LRRFIP2: variants seen among roughly 807,000 people sequenced by gnomAD.
LRRFIP2 encodes the protein leucine-rich repeat flightless-interacting protein 2.
In LRRFIP2, 109 loss-of-function variants were observed where a neutral mutation model predicts 125.9. The observed-to-expected ratio is 0.87, with a 90% CI of 0.74 to 1.01. The LOEUF (loss-of-function observed/expected upper bound fraction) is 1.01, where lower values mean the gene tolerates loss of function less well. Among genes scored for constraint, LRRFIP2 ranks in the 50% least tolerant of loss-of-function variants. The pLI is 0.00. For missense variants in LRRFIP2, 850 were observed against 862.3 expected (o/e 0.99, Z 0.18); for synonymous variants, 291 against 293.1 (o/e 0.99, Z 0.07).
chr3:37,161,179 T>TTAAAAA, intron 1 of LRRFIP2, among the ~76,000 whole-genome samples: 1 of 88,120 alleles, frequency 1.1e-5, no homozygotes, highest in Non-Finnish European at 2.2e-5. Flanking sequence ...CCCCATCTAC[T>TTAAAAA]AAAAAAAAAA....
intron 2 of LRRFIP2, among the ~76,000 whole-genome samples, chr3:37,137,534 T>C (rs2095587518): frequency 6.6e-6 from 1 of 152,328 alleles, no homozygotes; most frequent in Non-Finnish European, 1.5e-5. Context: ...CTCTTTTCTA[T>C]GAAATAATAC....
At chr3:37,113,812 C>T (rs978370685) in intron 7 of LRRFIP2, among the ~76,000 whole-genome samples, 1 of 152,168 alleles carries the variant, frequency 6.6e-6, no homozygotes, top group African/African-American at 2.4e-5. Flanking sequence ...GATTGCCCAG[C>T]ATACCATAAA....
At chr3:37,083,183 T>C (rs1190127734) in intron 19 of LRRFIP2, among the ~76,000 whole-genome samples, 1 of 152,172 alleles carries the variant, frequency 6.6e-6, no homozygotes, top group Non-Finnish European at 1.5e-5. Context: ...ATCTCCAAAT[T>C]GCTGATTTTA....
rs1576615897 is a variant in LRRFIP2, at chr3:37,102,978, A to G, written c.819T>C (p.Arg273=). The change falls in exon 15 of 28, where the codon CGT becomes CGC. Residue 273 remains arginine, a synonymous_variant. Coordinates refer to ENST00000336686, the MANE Select transcript of LRRFIP2 (RefSeq NM_006309.4). ...SAADYFSRSN[R]RGSVVSEVDD... ...CCACCTCAGAGACAACACTTCCCCTACGATTGGAGCGACTGAAATAATCAG... is the reference window on the plus strand; with the variant it reads ...CCACCTCAGAGACAACACTTCCCCTGCGATTGGAGCGACTGAAATAATCAG... 1.3e-6 allele frequency: 2 copies of G among 1,566,802 alleles called. No homozygotes were observed. The highest frequency in any genetic ancestry group is 2.7e-5 in the African/African-American group (2 of 74,174).
intron 7 of LRRFIP2, among the ~76,000 whole-genome samples, chr3:37,113,306 CTTTT>C (rs559960204): frequency 7.2e-5 from 11 of 151,944 alleles, no homozygotes; most frequent in Admixed American, 6.6e-4. Flanking sequence ...CCTCTGACTT[CTTTT>C]TTTTCTTTTT....
rs10849 is a variant in LRRFIP2, at chr3:37,053,579, C to G, written c.*272G>C. 15 of 352,480 alleles carry G rather than the reference C, an allele frequency of 4.3e-5. No individual in the cohort carries two copies. The highest frequency in any genetic ancestry group is 3.2e-4 in the African/African-American group (15 of 47,034). 21.8% of individuals were successfully genotyped at this position (352,480 alleles called of 1,614,324 possible). A position where few individuals can be genotyped will look rare whatever the true frequency, so the allele number is the denominator to read the frequency against. ...AGTTACTGAGGCAGCTGGGGAAAAACGTTGAGTAAACATGATTCTACAATT... is the reference window on the plus strand; with the variant it reads ...AGTTACTGAGGCAGCTGGGGAAAAAGGTTGAGTAAACATGATTCTACAATT... On this transcript the variant is annotated 3_prime_UTR_variant, in exon 28 of 28. Transcript: ENST00000336686.
chr3:37,156,673 C>CAAAAAAAAAAAAAAAAAAA (rs59647339), intron 1 of LRRFIP2, among the ~76,000 whole-genome samples: 1 of 30,566 alleles, frequency 3.3e-5, no homozygotes, highest in African/African-American at 1.8e-4. Context: ...GACTCAGTAT[C>CAAAAAAAAAAAAAAAAAAA]AAAAAAAAAA....
intron 13 of LRRFIP2, among the ~76,000 whole-genome samples, chr3:37,107,072 T>C (rs777496382): frequency 5.9e-5 from 9 of 151,944 alleles, no homozygotes; most frequent in Admixed American, 2.6e-4. Flanking sequence ...GCCAGGCTAA[T>C]TGTGTATTTT....
intron 16 of LRRFIP2, among the ~76,000 whole-genome samples, chr3:37,095,818 T>A (rs997416026): frequency 1.3e-5 from 2 of 152,052 alleles, no homozygotes; most frequent in African/African-American, 4.8e-5. Context: ...ATATTTTTTT[T>A]GCATTTTTAG....
chr3:37,072,592 T>C (rs1401689995), intron 21 of LRRFIP2, among the ~76,000 whole-genome samples, 198 bp downstream of exon 21: 1 of 151,952 alleles, frequency 6.6e-6, no homozygotes, highest in Non-Finnish European at 1.5e-5. Context: ...ACAAGCCTAG[T>C]GTTTGCTGAA....
At chr3:37,141,673 T>G (rs1234353686) in intron 2 of LRRFIP2, among the ~76,000 whole-genome samples, 1 of 152,230 alleles carries the variant, frequency 6.6e-6, no homozygotes, top group African/African-American at 2.4e-5. Flanking sequence ...ATGCTGTTGC[T>G]GAATCCTGGT....
chr3:37,063,717 T>C (rs773970398), intron 24 of LRRFIP2, 25 bp downstream of exon 24: 1 of 1,576,788 alleles, frequency 6.3e-7, no homozygotes, highest in East Asian at 2.2e-5. Context: ...AAAATTATAT[T>C]ACACTCCAAT....
At chr3:37,079,151 T>C (rs191373158) in intron 19 of LRRFIP2, among the ~76,000 whole-genome samples, 366 of 152,274 alleles carry the variant, frequency 2.4e-3, no homozygotes, top group Non-Finnish European at 4.2e-3. Context: ...TGAATAGACA[T>C]TTTGCCAAGG....
chr3:37,107,972 C>A (rs2094406230), intron 13 of LRRFIP2, 101 bp downstream of exon 13: 1 of 959,354 alleles, frequency 1.0e-6, no homozygotes, highest in South Asian at 1.5e-5. Context: ...CCATGCACAA[C>A]AAAGTGAATC....
chr3:37,111,144 A>G, intron 8 of LRRFIP2, 79 bp from the exon 9 acceptor site: 1 of 1,090,496 alleles, frequency 9.2e-7, no homozygotes, highest in Non-Finnish European at 1.4e-6. Flanking sequence ...AAAACTGAAC[A>G]CAAAAAGGCA....
chr3:37,077,875 G>A (rs1259900465), intron 19 of LRRFIP2, among the ~76,000 whole-genome samples: 2 of 152,144 alleles, frequency 1.3e-5, no homozygotes, highest in Non-Finnish European at 2.9e-5. Context: ...AGGACATTAT[G>A]CTAAATGAAG....
In LRRFIP2 at chr3:37,173,751, A is replaced by C. The variant is rs149164288; in HGVS notation, c.-56+788T>G. Among the ~76,000 whole-genome samples the C allele has an allele frequency of 2.0e-5, 3 of 152,366 alleles. No individual in the cohort carries two copies. The East Asian group carries it at 5.8e-4, about 29-fold the overall frequency. ...CTCTGTTGCTTCTCACACTAGGAAC[A>C]GGGTAAACAATCCACAAAGAGTTCT... On this transcript the variant is annotated intron_variant, in intron 1 of 27. Coordinates refer to ENST00000336686, the MANE Select transcript of LRRFIP2 (RefSeq NM_006309.4).
At chr3:37,161,431 G>A (rs1430257316) in intron 1 of LRRFIP2, among the ~76,000 whole-genome samples, 1 of 152,172 alleles carries the variant, frequency 6.6e-6, no homozygotes, top group Non-Finnish European at 1.5e-5. Context: ...GAAAACATGA[G>A]AAGTGATAAA....
intron 2 of LRRFIP2, among the ~76,000 whole-genome samples, chr3:37,147,694 G>T (rs2095892083): frequency 6.6e-6 from 1 of 152,180 alleles, no homozygotes; most frequent in African/African-American, 2.4e-5. Flanking sequence ...AAGAGGAAGT[G>T]ATATGGTAAT....
Sources: gnomAD v4.1 joint callset for allele counts (sites outside exome capture counted in the v4.1 genomes callset) on GRCh38, gnomAD v4.1.1 for gene constraint, MANE v1.5 for transcripts, NCBI Gene and HGNC (gene_info 2026-07-23, HGNC 2026-07-21) for gene names.